Variants in VPS13B observed in about 807,000 individuals in gnomAD.
The protein encoded by VPS13B is vacuolar protein sorting 13 homolog B, also known as intermembrane lipid transfer protein VPS13B.
VPS13B carries 285 observed loss-of-function variants against 426.4 expected under a neutral mutation model. The observed-to-expected ratio is 0.67, with a 90% CI of 0.61 to 0.74. VPS13B has a LOEUF of 0.74. Among genes scored for constraint, VPS13B ranks in the 30% least tolerant of loss-of-function variants. VPS13B has a pLI of 0.00. For synonymous variants in VPS13B, 1,676 were observed against 1,676.4 expected (o/e 1.00, Z 0.01); for missense variants, 4,537 against 4,782.6 (o/e 0.95, Z 1.51).
At chr8:99,551,144 C>G (rs1218116303) in intron 30 of VPS13B, among the ~76,000 whole-genome samples, 1 of 151,930 alleles carries the variant, frequency 6.6e-6, no homozygotes, top group Non-Finnish European at 1.5e-5. Context: ...TCAGTTTCTC[C>G]TTGTAGAGCT....
intron 17 of VPS13B, among the ~76,000 whole-genome samples, chr8:99,228,459 G>T (rs1816139782): frequency 6.6e-6 from 1 of 152,064 alleles, no homozygotes; most frequent in African/African-American, 2.4e-5. Flanking sequence ...TTGCCTAGTA[G>T]CTTTCAATTT....
At chr8:99,771,449 T>C (rs1563909910) in intron 40 of VPS13B, among the ~76,000 whole-genome samples, 1 of 152,220 alleles carries the variant, frequency 6.6e-6, no homozygotes, top group Non-Finnish European at 1.5e-5. Context: ...CTTTTTAATA[T>C]ATCTATATAT....
chr8:99,085,882 T>G (rs1845753797), intron 3 of VPS13B, among the ~76,000 whole-genome samples: 1 of 152,190 alleles, frequency 6.6e-6, no homozygotes, highest in Admixed American at 6.5e-5. Context: ...CCCTTAACAT[T>G]TTTTCCTTCA....
chr8:99,082,586 A>C (rs185703082), intron 3 of VPS13B, among the ~76,000 whole-genome samples: 10 of 152,194 alleles, frequency 6.6e-5, no homozygotes, highest in East Asian at 3.9e-4. Context: ...TAGGGTTTTT[A>C]TGGTTTTAGG....
At chr8:99,417,842 T>C in intron 21 of VPS13B, among the ~76,000 whole-genome samples, 1 of 152,110 alleles carries the variant, frequency 6.6e-6, no homozygotes, top group East Asian at 1.9e-4. Flanking sequence ...GCCCCATGAC[T>C]TTCCATTGAG....
chr8:99,273,163 T>C (rs190609557), intron 17 of VPS13B, among the ~76,000 whole-genome samples: 19 of 149,780 alleles, frequency 1.3e-4, no homozygotes, highest in African/African-American at 4.7e-4. Context: ...CAGGTAGTTT[T>C]TTTTTTTTTT....
chr8:99,150,123 T>C lies in VPS13B; in HGVS notation c.2013+2113T>C, dbSNP rs546302248. ...ACTGGCCACTCATCATTAAGTATGG[T>C]AGTGTATTACGATTAAGAGATCATG... On this transcript the variant is annotated intron_variant, in intron 14 of 61. Transcript: ENST00000357162. 5.9e-5 allele frequency among the ~76,000 whole-genome samples: 9 copies of C among 152,344 alleles called. No individual in the cohort carries two copies. The East Asian group carries it at 1.7e-3, about 29-fold the overall frequency.
chr8:99,575,206 A>G (rs1236243087), intron 31 of VPS13B, among the ~76,000 whole-genome samples: 1 of 152,138 alleles, frequency 6.6e-6, no homozygotes, highest in African/African-American at 2.4e-5. Flanking sequence ...CCTTAAAAAG[A>G]AAAGAATTCA....
At chr8:99,803,341 T>A (rs1212916000) in intron 43 of VPS13B, among the ~76,000 whole-genome samples, 2 of 152,200 alleles carry the variant, frequency 1.3e-5, no homozygotes, top group African/African-American at 4.8e-5. Context: ...AGAGAGAACT[T>A]ACAGCACCCA....
intron 3 of VPS13B, among the ~76,000 whole-genome samples, chr8:99,070,375 C>T (rs568964812): frequency 6.6e-6 from 1 of 152,258 alleles, no homozygotes; most frequent in African/African-American, 2.4e-5. Context: ...TCTGTGAAAA[C>T]TTTAATTCTT....
chr8:99,701,881 C>T (rs1451361418), intron 36 of VPS13B, among the ~76,000 whole-genome samples: 1 of 152,042 alleles, frequency 6.6e-6, no homozygotes, highest in Non-Finnish European at 1.5e-5. Context: ...ACTGTAATTA[C>T]ATGAAATAAG....
intron 17 of VPS13B, among the ~76,000 whole-genome samples, chr8:99,272,673 T>G (rs1298736502): frequency 2.0e-5 from 3 of 152,174 alleles, no homozygotes; most frequent in Non-Finnish European, 4.4e-5. Flanking sequence ...CAACCATTTA[T>G]TTATGGGAAT....
Position 99,870,899 on chromosome 8 carries a change from G to GAGAT in VPS13B, c.11495+14_11495+17dup. ...GTCAAATATGTCTGGTAAAATTATT[G>GAGAT]AGATACGTGCTCAACTTTACATCCA... On this transcript the variant is annotated intron_variant, in intron 60 of 61. Transcript: ENST00000357162. 6.2e-7 allele frequency: 1 copy of GAGAT among 1,612,128 alleles called. No individual in the cohort carries two copies. Among genetic ancestry groups the GAGAT allele is most frequent in the Non-Finnish European group, 8.5e-7 (1 of 1,178,250 alleles).
At chr8:99,734,761 G>A (rs1043291066) in intron 39 of VPS13B, among the ~76,000 whole-genome samples, 1 of 152,198 alleles carries the variant, frequency 6.6e-6, no homozygotes, top group African/African-American at 2.4e-5. Flanking sequence ...CAAGTAATAA[G>A]AATGACAGTT....
At chr8:99,498,265 C>A in intron 25 of VPS13B, among the ~76,000 whole-genome samples, 1 of 152,138 alleles carries the variant, frequency 6.6e-6, no homozygotes, top group South Asian at 2.1e-4. Flanking sequence ...AATTTGCATT[C>A]AAAAACAATC....
intron 30 of VPS13B, among the ~76,000 whole-genome samples, chr8:99,540,032 TATATATATATATATATATATATATA>T (rs1823487343): frequency 1.5e-3 from 3 of 1,954 alleles, no homozygotes; most frequent in African/African-American, 2.9e-3. Flanking sequence ...TATATATATA[TATATATATATATATATATATATATA>T]TATATATTTT....
intron 2 of VPS13B, among the ~76,000 whole-genome samples, chr8:99,023,569 C>T (rs1842003373): frequency 6.6e-6 from 1 of 151,936 alleles, no homozygotes; most frequent in African/African-American, 2.4e-5. Flanking sequence ...CAACCTCTGC[C>T]TCCTGGGTTC....
chr8:99,767,834 G>A (rs1018852167), intron 40 of VPS13B, among the ~76,000 whole-genome samples: 2 of 152,050 alleles, frequency 1.3e-5, no homozygotes, highest in African/African-American at 4.8e-5. Flanking sequence ...AAGCTGTTGG[G>A]GAGAGGATCC....
intron 3 of VPS13B, among the ~76,000 whole-genome samples, chr8:99,059,920 G>A (rs562284512): frequency 6.6e-6 from 1 of 151,604 alleles, no homozygotes; most frequent in African/African-American, 2.4e-5. Context: ...TTTTTTCGTA[G>A]AGACGGGGTT....
Sources: allele counts gnomAD v4.1 joint callset (sites outside exome capture counted in the v4.1 genomes callset), GRCh38; gene constraint gnomAD v4.1.1; transcripts MANE v1.5; gene names NCBI Gene and HGNC (gene_info 2026-07-23, HGNC 2026-07-21).